The following RSU1 variants were observed in gnomAD, a reference collection of about 807,000 sequenced individuals.
RSU1 encodes the protein rsu-1.
In RSU1, 26 loss-of-function variants were observed where a neutral mutation model predicts 31.1. The ratio of observed to expected loss-of-function variants is 0.84; its 90% CI spans 0.61 to 1.16. RSU1 has a LOEUF of 1.16. Ranked by LOEUF, RSU1 falls within the 50% of genes most tolerant of loss-of-function variation. The probability of loss-of-function intolerance (pLI) is 0.00; values close to 1 mark genes in which losing one functional copy is unlikely to be tolerated. For synonymous variants in RSU1, 164 were observed against 136.3 expected, an observed-to-expected ratio of 1.20 and a Z score of -1.41; for missense variants, 320 against 339.1, an observed-to-expected ratio of 0.94 and a Z score of 0.44.
At chr10:16,709,718 G>C (rs923950861) in intron 7 of RSU1, among the ~76,000 whole-genome samples, 55 of 152,206 alleles carry the variant, frequency 3.6e-4, no homozygotes, top group Non-Finnish European at 6.2e-4. Context: ...TCTCATTGTG[G>C]TTTTGATTTG....
chr10:16,657,383 G>A (rs953340209), intron 8 of RSU1, among the ~76,000 whole-genome samples: 1 of 152,012 alleles, frequency 6.6e-6, no homozygotes, highest in Non-Finnish European at 1.5e-5. Flanking sequence ...GAGTATGTAC[G>A]AATATGTCTC....
chr10:16,688,852 T>C (rs1030492032), intron 8 of RSU1, among the ~76,000 whole-genome samples: 6 of 147,434 alleles, frequency 4.1e-5, no homozygotes, highest in African/African-American at 1.6e-4. Context: ...AAAAATAAAA[T>C]AGAAAACTAG....
Position 16,672,179 on chromosome 10 carries a change from G to A in RSU1, c.731+22844C>T, listed in dbSNP as rs377262000. 2.1e-3 allele frequency among the ~76,000 whole-genome samples: 315 copies of A among 151,182 alleles called. 5 individuals carry two copies. In the East Asian group the frequency reaches 0.052, roughly 25 times the overall value. ...AAAAAAATTAGCCAGGCGTGGTGGC[G>A]GGTGCCTGTAGTCCCAGCTACTCAG... is the stretch of plus-strand genomic sequence containing the variant. On this transcript the variant is annotated intron_variant, in intron 8 of 8. Coordinates refer to ENST00000345264, the MANE Select transcript of RSU1 (RefSeq NM_012425.4).
intron 7 of RSU1, among the ~76,000 whole-genome samples, chr10:16,726,509 C>G (rs1564334146): frequency 6.6e-6 from 1 of 152,094 alleles, no homozygotes; most frequent in Non-Finnish European, 1.5e-5. Context: ...TCGTGATCCA[C>G]CCATCTCGGC....
intron 2 of RSU1, 64 bp from the exon 3 acceptor site, chr10:16,782,148 T>A (rs541629434): frequency 7.5e-7 from 1 of 1,332,208 alleles, no homozygotes. Context: ...GGATTCTACC[T>A]GTACTCCTAC....
chr10:16,746,846 C>A (rs764294775), intron 7 of RSU1, among the ~76,000 whole-genome samples: 5 of 152,038 alleles, frequency 3.3e-5, no homozygotes, highest in Admixed American at 2.0e-4. Flanking sequence ...GTTAGCCACA[C>A]GGCTGGCTGC....
Position 16,752,794 on chromosome 10 carries a change from A to C in RSU1, c.483+124T>G, listed in dbSNP as rs1453542994. On this transcript the variant is annotated intron_variant, in intron 6 of 8. Coordinates refer to ENST00000345264, the MANE Select transcript of RSU1 (RefSeq NM_012425.4). Reference sequence around the variant, plus strand: ...AAGTGCCGGCGGATAATCAAGAAACACTATCAGGAGTAGTGGTTTATTCCC... The same window carrying C: ...AAGTGCCGGCGGATAATCAAGAAACCCTATCAGGAGTAGTGGTTTATTCCC... 7 of 1,028,316 alleles carry C rather than the reference A, an allele frequency of 6.8e-6. No homozygotes were observed. In the Admixed American group the frequency reaches 1.4e-4, roughly 21 times the overall value. The allele number at this position is 1,028,316 out of a possible 1,614,324, so 63.7% of individuals were successfully genotyped here. A position where few individuals can be genotyped will look rare whatever the true frequency, so the allele number is the denominator to read the frequency against.
At chr10:16,760,283 G>A (rs1837180498) in intron 4 of RSU1, among the ~76,000 whole-genome samples, 1 of 152,172 alleles carries the variant, frequency 6.6e-6, no homozygotes, top group Non-Finnish European at 1.5e-5. Context: ...GCCGAGGCAG[G>A]TGGATCACCT....
At chr10:16,784,942 C>T (rs1262331473) in intron 2 of RSU1, among the ~76,000 whole-genome samples, 1 of 152,066 alleles carries the variant, frequency 6.6e-6, no homozygotes, top group Non-Finnish European at 1.5e-5. Flanking sequence ...GGAGGAGGTA[C>T]CACACACTCT....
chr10:16,662,141 G>C (rs1350419084), intron 8 of RSU1, among the ~76,000 whole-genome samples: 1 of 152,164 alleles, frequency 6.6e-6, no homozygotes, highest in East Asian at 1.9e-4. Context: ...TAGCTTTTCT[G>C]TAAGTTACAA....
intron 8 of RSU1, among the ~76,000 whole-genome samples, chr10:16,678,045 C>T (rs1835265423): frequency 6.6e-6 from 1 of 152,138 alleles, no homozygotes; most frequent in Non-Finnish European, 1.5e-5. Flanking sequence ...GCATTTCCAT[C>T]CTTTAAGACA....
intron 2 of RSU1, among the ~76,000 whole-genome samples, chr10:16,809,016 C>A (rs367631502): frequency 6.6e-6 from 1 of 152,096 alleles, no homozygotes; most frequent in Non-Finnish European, 1.5e-5. Context: ...CCTCCAGGAC[C>A]GTGGGAAATA....
In RSU1 at chr10:16,778,284, TC is replaced by T. The variant is rs200286752; in HGVS notation, c.160+3749del. Among the ~76,000 whole-genome samples, 1,054 of 152,178 alleles carry T rather than the reference TC, an allele frequency of 6.9e-3. 1 individual carries two copies. Among genetic ancestry groups the T allele is most frequent in the Non-Finnish European group, 0.011 (735 of 68,014 alleles). ...GCACACAACGAGTAAGAAACAGAAG[TC>T]TGTGGCAGCCACATCTACTCAAGTC... On this transcript the variant is annotated intron_variant, in intron 3 of 8. Transcript: ENST00000345264.
intron 8 of RSU1, among the ~76,000 whole-genome samples, chr10:16,633,313 C>T (rs990353405): frequency 9.9e-5 from 15 of 152,076 alleles, no homozygotes; most frequent in African/African-American, 3.1e-4. Context: ...ACATGGGAAA[C>T]GAGTTGTCTC....
At chr10:16,810,461 C>T (rs1440390655) in intron 2 of RSU1, among the ~76,000 whole-genome samples, 17 of 152,090 alleles carry the variant, frequency 1.1e-4, no homozygotes, top group Non-Finnish European at 2.4e-4. Context: ...CTGCTGTTCC[C>T]CCAGCAGCCG....
chr10:16,790,393 T>A (rs1265056799), intron 2 of RSU1, among the ~76,000 whole-genome samples: 4 of 152,246 alleles, frequency 2.6e-5, no homozygotes, highest in Middle Eastern at 3.4e-3. Flanking sequence ...GAACAGAGAA[T>A]ATGGACCAAC....
At chr10:16,808,018 G>C (rs998064281) in intron 2 of RSU1, among the ~76,000 whole-genome samples, 21 of 93,412 alleles carry the variant, frequency 2.2e-4, no homozygotes, top group African/African-American at 1.3e-3. Flanking sequence ...GCAAGACTCT[G>C]TCTCAAAAAA....
intron 8 of RSU1, among the ~76,000 whole-genome samples, chr10:16,642,444 T>A (rs916459600): frequency 1.3e-5 from 2 of 152,094 alleles, no homozygotes; most frequent in African/African-American, 2.4e-5. Flanking sequence ...GATTTTTGAG[T>A]CTCTAACCTT....
At chr10:16,760,686 C>T (rs1052845177) in intron 4 of RSU1, among the ~76,000 whole-genome samples, 2 of 152,092 alleles carry the variant, frequency 1.3e-5, no homozygotes, top group African/African-American at 2.4e-5. Flanking sequence ...AGGTATCATT[C>T]CATCCCATCA....
Sources: allele counts gnomAD v4.1 joint callset (sites outside exome capture counted in the v4.1 genomes callset), GRCh38; gene constraint gnomAD v4.1.1; transcripts MANE v1.5; gene names NCBI Gene and HGNC (gene_info 2026-07-23, HGNC 2026-07-21).